CAMKMT: variants seen among roughly 807,000 people sequenced by gnomAD.
The protein encoded by CAMKMT is calmodulin-lysine N-methyltransferase.
In CAMKMT, 53 loss-of-function variants were observed where a neutral mutation model predicts 48.0. That is an observed-to-expected ratio of 1.10 (90% CI 0.89 to 1.39). The LOEUF is 1.39. Among genes scored for constraint, CAMKMT ranks in the 40% most tolerant of loss-of-function variants. CAMKMT has a pLI of 0.00. For synonymous variants in CAMKMT, 165 were observed against 152.3 expected, an observed-to-expected ratio of 1.08 and a Z score of -0.61; for missense variants, 428 against 402.7, an observed-to-expected ratio of 1.06 and a Z score of -0.54.
rs1354637707 is a variant in CAMKMT at position 44,706,153 on chromosome 2, C to T, written c.438-134C>T. ...AAAACGCAAAACGACATGAGGTAGC[C>T]TAGTCATGTCTCTACAACTTCCTGG... On this transcript the variant is annotated intron_variant, in intron 4 of 10. Transcript: ENST00000378494. 4.1e-6 allele frequency: 3 copies of T among 740,212 alleles called. No homozygotes were observed. In the African/African-American group the frequency reaches 5.3e-5, roughly 13 times the overall value. The allele number at this position is 740,212 out of a possible 1,614,324, so 45.9% of individuals were successfully genotyped here. A position where few individuals can be genotyped will look rare whatever the true frequency, so the allele number is the denominator to read the frequency against.
chr2:44,492,744 C>T (rs1288597098), intron 3 of CAMKMT, among the ~76,000 whole-genome samples: 4 of 152,054 alleles, frequency 2.6e-5, no homozygotes, highest in Non-Finnish European at 4.4e-5. Flanking sequence ...TATCATCACT[C>T]AAAATAGGAC....
At chr2:44,427,212 A>G (rs1684333198) in intron 3 of CAMKMT, among the ~76,000 whole-genome samples, 1 of 152,258 alleles carries the variant, frequency 6.6e-6, no homozygotes, top group Non-Finnish European at 1.5e-5. Context: ...AAATTCTAGT[A>G]GAAAACCTAG....
intron 3 of CAMKMT, among the ~76,000 whole-genome samples, chr2:44,416,857 G>A (rs999903192): frequency 6.6e-6 from 1 of 151,932 alleles, no homozygotes; most frequent in Admixed American, 6.6e-5. Context: ...TTACAGGTGT[G>A]AGCCACCGCA....
At chr2:44,391,676 T>C (rs2104417838) in intron 3 of CAMKMT, among the ~76,000 whole-genome samples, 1 of 152,284 alleles carries the variant, frequency 6.6e-6, no homozygotes, top group East Asian at 1.9e-4. Flanking sequence ...TGGCTCCGTA[T>C]GAAATAGGGC....
intron 3 of CAMKMT, among the ~76,000 whole-genome samples, chr2:44,399,164 T>G (rs1321641333): frequency 6.6e-6 from 1 of 152,210 alleles, no homozygotes; most frequent in African/African-American, 2.4e-5. Context: ...TAGTTCGTCT[T>G]AAGCCTTTGC....
intron 3 of CAMKMT, among the ~76,000 whole-genome samples, chr2:44,392,847 A>G (rs1681480767): frequency 6.6e-6 from 1 of 152,046 alleles, no homozygotes; most frequent in African/African-American, 2.4e-5. Context: ...TTCATAAATC[A>G]CCACCATGGT....
At chr2:44,724,775 T>G (rs1010382047) in intron 7 of CAMKMT, among the ~76,000 whole-genome samples, 3 of 152,194 alleles carry the variant, frequency 2.0e-5, no homozygotes, top group African/African-American at 4.8e-5. Context: ...CTGATTCGTT[T>G]CTTGTCTACA....
intron 3 of CAMKMT, among the ~76,000 whole-genome samples, chr2:44,460,020 A>T (rs936851588): frequency 6.6e-6 from 1 of 152,208 alleles, no homozygotes; most frequent in African/African-American, 2.4e-5. Flanking sequence ...AAACTGATAG[A>T]GTTGGCAAAT....
chr2:44,456,796 A>G (rs958818600), intron 3 of CAMKMT: 40 of 530,908 alleles, frequency 7.5e-5, no homozygotes, highest in Non-Finnish European at 1.2e-4. Flanking sequence ...CAGCTATCCT[A>G]TTTTCCTATT....
chr2:44,430,843 A>G (rs1183208813), intron 3 of CAMKMT, among the ~76,000 whole-genome samples: 1 of 152,214 alleles, frequency 6.6e-6, no homozygotes, highest in Non-Finnish European at 1.5e-5. Context: ...GGAATTAAGT[A>G]GGGTAAATTA....
intron 3 of CAMKMT, among the ~76,000 whole-genome samples, chr2:44,477,252 A>AGGTT: frequency 6.6e-6 from 1 of 152,276 alleles, no homozygotes; most frequent in South Asian, 2.1e-4. Context: ...TAGTAGAGCA[A>AGGTT]ACCCATGATG....
intron 3 of CAMKMT, among the ~76,000 whole-genome samples, chr2:44,461,712 C>G (rs898683896): frequency 6.6e-6 from 1 of 152,204 alleles, no homozygotes; most frequent in Non-Finnish European, 1.5e-5. Context: ...ATATTTCATA[C>G]AAATTCTTTT....
At chr2:44,410,945 G>C (rs1271345415) in intron 3 of CAMKMT, among the ~76,000 whole-genome samples, 1 of 152,106 alleles carries the variant, frequency 6.6e-6, no homozygotes, top group Non-Finnish European at 1.5e-5. Context: ...GTAATTGATA[G>C]TTCTAAAGTA....
chr2:44,397,105 T>C (rs780906883), intron 3 of CAMKMT, among the ~76,000 whole-genome samples: 1 of 150,224 alleles, frequency 6.7e-6, no homozygotes, highest in Non-Finnish European at 1.5e-5. Flanking sequence ...TGTTTTAAAA[T>C]AATACTTTTC....
chr2:44,368,824 T>A (rs1678880997), intron 1 of CAMKMT, among the ~76,000 whole-genome samples: 1 of 152,194 alleles, frequency 6.6e-6, no homozygotes, highest in African/African-American at 2.4e-5. Context: ...GAGTAGTTTG[T>A]TTTTCTTCCT....
At chr2:44,673,176 A>G (rs1044664363) in intron 3 of CAMKMT, among the ~76,000 whole-genome samples, 3 of 152,104 alleles carry the variant, frequency 2.0e-5, no homozygotes, top group African/African-American at 7.2e-5. Context: ...CTGTAATCCC[A>G]GCATTTTGGG....
At chr2:44,562,807 C>T (rs1012484131) in intron 3 of CAMKMT, among the ~76,000 whole-genome samples, 4 of 152,096 alleles carry the variant, frequency 2.6e-5, no homozygotes, top group African/African-American at 7.2e-5. Context: ...GTAATCTGCC[C>T]GCCTGGGTCT....
chr2:44,459,125 TA>T (rs781501739), intron 3 of CAMKMT, among the ~76,000 whole-genome samples: 34 of 152,136 alleles, frequency 2.2e-4, no homozygotes, highest in Non-Finnish European at 3.8e-4. Context: ...GATTTAGGAA[TA>T]GTACCCTTTT....
chr2:44,706,936 T>C (rs1677597610), intron 5 of CAMKMT, among the ~76,000 whole-genome samples: 1 of 152,090 alleles, frequency 6.6e-6, no homozygotes, highest in Admixed American at 6.6e-5. Flanking sequence ...GTCGCTCTTA[T>C]ACAATGTGTC....
Sources: allele counts gnomAD v4.1 joint callset (sites outside exome capture counted in the v4.1 genomes callset), GRCh38; gene constraint gnomAD v4.1.1; transcripts MANE v1.5; gene names NCBI Gene and HGNC (gene_info 2026-07-23, HGNC 2026-07-21).